The following PALLD variants were observed in gnomAD, a reference collection of about 807,000 sequenced individuals.
PALLD encodes the protein palladin.
In PALLD, 61 loss-of-function variants were observed where a neutral mutation model predicts 123.5. The observed-to-expected ratio is 0.49, with a 90% CI of 0.40 to 0.61. PALLD has a LOEUF of 0.61. Ranked by LOEUF, PALLD falls within the 20% of genes least tolerant of loss-of-function variation. The probability of loss-of-function intolerance (pLI) is 0.00; values close to 1 mark genes in which losing one functional copy is unlikely to be tolerated. For synonymous variants in PALLD, 465 were observed against 496.4 expected, an observed-to-expected ratio of 0.94 and a Z score of 0.84; for missense variants, 1,273 against 1,377.0, an observed-to-expected ratio of 0.92 and a Z score of 1.20.
At chr4:168,737,335 A>T (rs1290834690) in intron 10 of PALLD, among the ~76,000 whole-genome samples, 1 of 152,152 alleles carries the variant, frequency 6.6e-6, no homozygotes. Flanking sequence ...AAGTAACAAT[A>T]TTTTTGAGTG....
At chr4:168,641,451 ACCT>A (rs1776940176) in intron 2 of PALLD, among the ~76,000 whole-genome samples, 1 of 151,966 alleles carries the variant, frequency 6.6e-6, no homozygotes, top group Admixed American at 6.6e-5. Flanking sequence ...AGCCACAGAA[ACCT>A]CCTGATCCAG....
At chr4:168,774,530 C>A (rs1320424398) in intron 10 of PALLD, among the ~76,000 whole-genome samples, 1 of 151,972 alleles carries the variant, frequency 6.6e-6, no homozygotes, top group Non-Finnish European at 1.5e-5. Context: ...GAGTTTGAGA[C>A]CAGCCTGGCC....
At chr4:168,641,849 A>G (rs997802337) in intron 2 of PALLD, among the ~76,000 whole-genome samples, 1 of 152,190 alleles carries the variant, frequency 6.6e-6, no homozygotes, top group African/African-American at 2.4e-5. Context: ...TTCCCCAGAG[A>G]GGCATAGTGG....
At chr4:168,685,685 C>A in intron 6 of PALLD, 126 bp downstream of exon 6, 2 of 760,110 alleles carry the variant, frequency 2.6e-6, no homozygotes, top group Non-Finnish European at 2.4e-6. Context: ...ACCATGGTTA[C>A]CTTTGGGACT....
At position 168,631,635 on chromosome 4, in the gene PALLD, G is replaced by C. The variant is rs1055433191; in HGVS notation, c.909-36555G>C. 5 of 985,416 alleles carry C rather than the reference G, an allele frequency of 5.1e-6. No homozygotes were observed. In the African/African-American group the frequency reaches 7.0e-5, roughly 14 times the overall value. The allele number at this position is 985,416 out of a possible 1,614,324, so 61.0% of individuals were successfully genotyped here. On this transcript the variant is annotated intron_variant, in intron 2 of 21. Coordinates refer to ENST00000505667, the MANE Select transcript of PALLD (RefSeq NM_001166108.2). The stretch of plus-strand genomic sequence containing the variant: ...GCGGCGCATTCGCGCGCTGGAGACC[G>C]GCGGCCTCTCACCGAGCCTGAGTCG...
At chr4:168,848,117 C>A (rs1050821488) in intron 10 of PALLD, among the ~76,000 whole-genome samples, 1 of 152,022 alleles carries the variant, frequency 6.6e-6, no homozygotes, top group African/African-American at 2.4e-5. Context: ...TGACTGAGGA[C>A]TGAGTTAGCC....
chr4:168,891,328 A>G (rs1203130878), intron 11 of PALLD, among the ~76,000 whole-genome samples: 3 of 152,014 alleles, frequency 2.0e-5, no homozygotes, highest in African/African-American at 7.3e-5. Flanking sequence ...ATGCCTGGCT[A>G]ATTTTTTATT....
intron 10 of PALLD, among the ~76,000 whole-genome samples, chr4:168,785,846 G>GAGATATAT (rs764117358): frequency 2.0e-4 from 16 of 80,892 alleles, no homozygotes; most frequent in East Asian, 2.8e-4. Flanking sequence ...AAACTGTAGA[G>GAGATATAT]ATATATATAT....
chr4:168,669,421 C>CA (rs199677176), intron 3 of PALLD, among the ~76,000 whole-genome samples: 1,977 of 150,888 alleles, frequency 0.013, 31 homozygotes, highest in African/African-American at 0.045. Context: ...CAAAACAAAA[C>CA]AAAAAAACAC....
intron 8 of PALLD, among the ~76,000 whole-genome samples, chr4:168,705,855 T>C (rs1204492504): frequency 6.6e-6 from 1 of 152,036 alleles, no homozygotes; most frequent in Non-Finnish European, 1.5e-5. Flanking sequence ...GTTGCCCAGG[T>C]TGGTCTTGAA....
chr4:168,688,996 T>C (rs768259206), intron 6 of PALLD, among the ~76,000 whole-genome samples: 1 of 152,158 alleles, frequency 6.6e-6, no homozygotes, highest in Non-Finnish European at 1.5e-5. Flanking sequence ...ATGGACCCAG[T>C]CACAAAGGAA....
At chr4:168,584,214 G>GT (rs1770578279) in intron 2 of PALLD, among the ~76,000 whole-genome samples, 1 of 91,122 alleles carries the variant, frequency 1.1e-5, no homozygotes, top group African/African-American at 4.3e-5. Context: ...AAGACCATCA[G>GT]GTTTTTTTTT....
rs1393675254 is a variant in PALLD at position 168,656,073 on chromosome 4, C to T, written c.909-12117C>T. Among the ~76,000 whole-genome samples, 4 of 152,122 alleles carry T rather than the reference C, an allele frequency of 2.6e-5. No homozygotes were observed. The East Asian group carries it at 7.7e-4, about 29-fold the overall frequency. On this transcript the variant is annotated intron_variant, in intron 2 of 21. Transcript: ENST00000505667. ...ATGCACAGAAGACTGACAGCATTGT[C>T]TGATAAAGCATCTCCCATTTTATCC...
intron 2 of PALLD, among the ~76,000 whole-genome samples, chr4:168,640,885 T>C (rs1194891509): frequency 6.6e-6 from 1 of 152,162 alleles, no homozygotes; most frequent in East Asian, 1.9e-4. Flanking sequence ...AAAAATCCCG[T>C]GTGTGAGTTG....
intron 10 of PALLD, among the ~76,000 whole-genome samples, chr4:168,724,447 A>AT (rs534773879): frequency 1.1e-4 from 17 of 152,306 alleles, no homozygotes; most frequent in African/African-American, 3.8e-4. Context: ...CAGAGAGTTC[A>AT]TTTTCTCAAC....
chr4:168,516,609 C>A (rs184225632), intron 2 of PALLD, among the ~76,000 whole-genome samples: 47 of 152,164 alleles, frequency 3.1e-4, no homozygotes, highest in Non-Finnish European at 5.9e-4. Flanking sequence ...ATACAAAAAT[C>A]ATTCATTAGT....
At chr4:168,766,404 C>A (rs1306830809) in intron 10 of PALLD, among the ~76,000 whole-genome samples, 1 of 148,146 alleles carries the variant, frequency 6.8e-6, no homozygotes, top group Non-Finnish European at 1.5e-5. Flanking sequence ...CTGAAAGAAC[C>A]CACATTTTCA....
intron 2 of PALLD, among the ~76,000 whole-genome samples, chr4:168,617,245 T>C (rs1207276209): frequency 1.3e-5 from 2 of 152,176 alleles, no homozygotes; most frequent in African/African-American, 2.4e-5. Flanking sequence ...TTCGTAAGTC[T>C]CTCATTTTGG....
chr4:168,733,860 G>A (rs1787434823), intron 10 of PALLD, among the ~76,000 whole-genome samples: 1 of 152,068 alleles, frequency 6.6e-6, no homozygotes, highest in Non-Finnish European at 1.5e-5. Flanking sequence ...TCAGCCTCCT[G>A]AGTAGCTGGG....
Sources: allele counts gnomAD v4.1 joint callset (sites outside exome capture counted in the v4.1 genomes callset), GRCh38; gene constraint gnomAD v4.1.1; transcripts MANE v1.5; gene names NCBI Gene and HGNC (gene_info 2026-07-23, HGNC 2026-07-21).